The following PTK2B variants were observed in gnomAD, a reference collection of about 807,000 sequenced individuals.
PTK2B encodes protein tyrosine kinase 2 beta, also known as protein-tyrosine kinase 2-beta.
PTK2B carries 71 observed loss-of-function variants against 142.9 expected under a neutral mutation model. The ratio of observed to expected loss-of-function variants is 0.50; its 90% CI spans 0.41 to 0.61. PTK2B has a LOEUF of 0.61. PTK2B is among the 20% of genes least tolerant of loss of function. The probability of loss-of-function intolerance (pLI) is 0.00; values close to 1 mark genes in which losing one functional copy is unlikely to be tolerated. For missense variants in PTK2B, 1,105 were observed against 1,320.4 expected, an observed-to-expected ratio of 0.84 and a Z score of 2.53; for synonymous variants, 519 against 503.4, an observed-to-expected ratio of 1.03 and a Z score of -0.42.
In PTK2B at chr8:27,330,144, G is replaced by C. The variant is rs891318941; in HGVS notation, c.-38+4463G>C. On this transcript the variant is annotated intron_variant, in intron 1 of 30. Transcript: ENST00000346049. ...ACTGTTTCGATATTTCAACAACCCA[G>C]ATGCACCCGCTTAATAATAGCATCT... 3.3e-5 allele frequency among the ~76,000 whole-genome samples: 5 copies of C among 152,216 alleles called. No homozygotes were observed. The East Asian group carries it at 9.7e-4, about 29-fold the overall frequency.
chr8:27,311,111 C>A, upstream of PTK2B: 3 of 1,599,752 alleles, frequency 1.9e-6, no homozygotes, highest in African/African-American at 1.3e-5. Flanking sequence ...CACGCACCCG[C>A]GGCAGAAGTT....
At position 27,402,174 on chromosome 8, in the gene PTK2B, G is replaced by A. The variant is rs79706686; in HGVS notation, c.204+4386G>A. Among the ~76,000 whole-genome samples the A allele has an allele frequency of 6.8e-3, 1,029 of 152,244 alleles. 16 individuals carry two copies. Among genetic ancestry groups the A allele is most frequent in the African/African-American group, 0.023 (955 of 41,518 alleles). On this transcript the variant is annotated intron_variant, in intron 2 of 30. Transcript: ENST00000346049. Reference sequence around the variant, plus strand: ...TAACCACCGTGATCAATGGAGAGAAGTGATTATAATCCATAGAATTGAGGA... The same window carrying A: ...TAACCACCGTGATCAATGGAGAGAAATGATTATAATCCATAGAATTGAGGA...
intron 1 of PTK2B, among the ~76,000 whole-genome samples, chr8:27,339,711 A>G (rs919980686): frequency 6.6e-6 from 1 of 152,168 alleles, no homozygotes; most frequent in Non-Finnish European, 1.5e-5. Context: ...TGGATTGTGT[A>G]TGGTTGGAGT....
intron 2 of PTK2B, among the ~76,000 whole-genome samples, chr8:27,408,586 T>A (rs1808866427): frequency 6.6e-6 from 1 of 152,274 alleles, no homozygotes; most frequent in Non-Finnish European, 1.5e-5. Context: ...TCTCCTTTAA[T>A]CAATCTGCCT....
intron 2 of PTK2B, among the ~76,000 whole-genome samples, 179 bp from the exon 3 acceptor site, chr8:27,419,716 A>G (rs1809624255): frequency 6.6e-6 from 1 of 152,124 alleles, no homozygotes; most frequent in Non-Finnish European, 1.5e-5. Flanking sequence ...CCATTTGTCA[A>G]TTTATCAGAT....
chr8:27,376,105 A>G (rs1174131943), intron 1 of PTK2B, among the ~76,000 whole-genome samples: 2 of 152,210 alleles, frequency 1.3e-5, no homozygotes, highest in Non-Finnish European at 2.9e-5. Context: ...CTGTAAAGCC[A>G]TGGGAGAGAG....
At position 27,445,814 on chromosome 8, in the gene PTK2B, C is replaced by T. The variant is rs750590385; in HGVS notation, c.2235C>T (p.Ala745=). 4.3e-6 allele frequency: 7 copies of T among 1,614,006 alleles called. No homozygotes were observed. The highest frequency in any genetic ancestry group is 1.1e-5 in the South Asian group (1 of 91,090). The part of the protein sequence containing the change: ...LQFQVPEGLC[A]SSPTLTSPME... ...AATAGGTTCCTGAGGGTCTGTGTGC[C>T]AGCTCTCCTACGCTCACCAGCCCTA... The change falls in exon 24 of 31, where the codon GCC becomes GCT. Residue 745 remains alanine, a synonymous_variant. Coordinates refer to ENST00000346049, the MANE Select transcript of PTK2B (RefSeq NM_173176.3).
chr8:27,437,813 C>G lies in PTK2B; in HGVS notation c.1576C>G (p.Leu526Val). The G allele has an allele frequency of 6.2e-7, 1 of 1,613,644 alleles. No individual in the cohort carries two copies. The highest frequency in any genetic ancestry group is 8.5e-7 in the Non-Finnish European group (1 of 1,179,888). ...RNKNSLKVLTLVLYSLQICKA... is the reference protein window; with the variant it reads ...RNKNSLKVLTVVLYSLQICKA... ...CAAGAACTCCCTGAAGGTGCTCACCCTCGTGCTGTACTCACTGCAGATATG... is the reference window on the plus strand; with the variant it reads ...CAAGAACTCCCTGAAGGTGCTCACCGTCGTGCTGTACTCACTGCAGATATG... Residue 526 changes from leucine to valine, a missense_variant, in exon 18 of 31, where the codon CTC (leucine) becomes GTC (valine). Coordinates refer to ENST00000346049, the MANE Select transcript of PTK2B (RefSeq NM_173176.3).
At position 27,418,294 on chromosome 8, in the gene PTK2B, G is replaced by A. The variant is rs939467633; in HGVS notation, c.205-1601G>A. Among the ~76,000 whole-genome samples, 4 of 152,172 alleles carry A rather than the reference G, an allele frequency of 2.6e-5. No homozygotes were observed. In the South Asian group the frequency reaches 8.3e-4, roughly 32 times the overall value. On this transcript the variant is annotated intron_variant, in intron 2 of 30. Transcript: ENST00000346049. ...AGAGGCAGTTAGCCCGAGACAGATG[G>A]GTGCCCAGGCAAGCAAATAACTGGG...
At chr8:27,397,853 C>G (rs982439104) in intron 2 of PTK2B, 65 bp downstream of exon 2, 12 of 554,144 alleles carry the variant, frequency 2.2e-5, no homozygotes, top group Non-Finnish European at 3.2e-5. Context: ...GGCAGCTGAG[C>G]AGCTCTCCTG....
chr8:27,330,712 A>G (rs1803694815), intron 1 of PTK2B, among the ~76,000 whole-genome samples: 1 of 152,206 alleles, frequency 6.6e-6, no homozygotes, highest in Non-Finnish European at 1.5e-5. Flanking sequence ...ACAGTTTATT[A>G]AGAAGAGCAG....
chr8:27,407,105 T>G (rs140156221), intron 2 of PTK2B, among the ~76,000 whole-genome samples: 8 of 152,274 alleles, frequency 5.3e-5, no homozygotes, highest in Non-Finnish European at 1.2e-4. Context: ...TAACAGAACA[T>G]TTTTATTTTT....
At chr8:27,436,170 T>C in intron 14 of PTK2B, 81 bp from the exon 15 acceptor site, 1 of 1,383,558 alleles carries the variant, frequency 7.2e-7, no homozygotes, top group Non-Finnish European at 1.0e-6. Flanking sequence ...GACGCCTGGC[T>C]TTAGAGCCTG....
intron 2 of PTK2B, 102 bp from the exon 3 acceptor site, chr8:27,419,793 A>G: frequency 2.4e-6 from 3 of 1,273,308 alleles, no homozygotes; most frequent in Non-Finnish European, 3.3e-6. Context: ...ACATGAAGAC[A>G]GAATCCCACC....
chr8:27,446,215 G>T (rs1479964203), intron 24 of PTK2B, among the ~76,000 whole-genome samples: 2 of 152,232 alleles, frequency 1.3e-5, no homozygotes, highest in African/African-American at 4.8e-5. Flanking sequence ...AGCCCCAGGG[G>T]TAGGGGGATC....
intron 3 of PTK2B, among the ~76,000 whole-genome samples, chr8:27,420,327 G>A (rs193057110): frequency 5.3e-5 from 8 of 152,330 alleles, no homozygotes; most frequent in Admixed American, 1.3e-4. Flanking sequence ...AGTGCTAGGG[G>A]AAAAGAGAGA....
At position 27,329,990 on chromosome 8, in the gene PTK2B, T is replaced by C. The variant is rs536658389; in HGVS notation, c.-38+4309T>C. On this transcript the variant is annotated intron_variant, in intron 1 of 30. Transcript: ENST00000346049. ...GATCAAACAGAACAGACACCACCAT[T>C]ACTCTGAGCAGCGTCAGAGAGGCCC... Among the ~76,000 whole-genome samples, 5 of 152,158 alleles carry C rather than the reference T, an allele frequency of 3.3e-5. 1 individual carries two copies. The South Asian group carries it at 1.0e-3, about 32-fold the overall frequency.
At chr8:27,456,880 A>G (rs1812171725) in intron 30 of PTK2B, among the ~76,000 whole-genome samples, 1 of 152,256 alleles carries the variant, frequency 6.6e-6, no homozygotes, top group East Asian at 1.9e-4. Flanking sequence ...AGCCTAATCC[A>G]GAGCAAGGCC....
chr8:27,360,048 A>T (rs897638233), intron 1 of PTK2B, among the ~76,000 whole-genome samples: 6 of 152,108 alleles, frequency 3.9e-5, no homozygotes, highest in African/African-American at 1.4e-4. Flanking sequence ...TACCACTCGG[A>T]TGTGATTAAG....
Sources: gnomAD v4.1 joint callset for allele counts (sites outside exome capture counted in the v4.1 genomes callset) on GRCh38, gnomAD v4.1.1 for gene constraint, MANE v1.5 for transcripts, NCBI Gene and HGNC (gene_info 2026-07-23, HGNC 2026-07-21) for gene names.